DECR1: variants seen among roughly 807,000 people sequenced by gnomAD.
The protein encoded by DECR1 is 2,4-dienoyl-CoA reductase [(3E)-enoyl-CoA-producing], mitochondrial.
DECR1 carries 44 observed loss-of-function variants against 38.8 expected under a neutral mutation model. That is an observed-to-expected ratio of 1.13 (90% CI 0.89 to 1.46). The LOEUF is 1.46. DECR1 is among the 40% of genes most tolerant of loss of function. DECR1 has a pLI of 0.00. For synonymous variants in DECR1, 148 were observed against 135.2 expected (o/e 1.09, Z -0.66); for missense variants, 428 against 405.5 (o/e 1.06, Z -0.48).
chr8:90,002,346 T>A (rs944568902), intron 1 of DECR1, among the ~76,000 whole-genome samples: 1 of 152,122 alleles, frequency 6.6e-6, no homozygotes, highest in Non-Finnish European at 1.5e-5. Context: ...TAGACTCCCC[T>A]TCCCAGATGT....
intron 8 of DECR1, among the ~76,000 whole-genome samples, chr8:90,049,946 A>T (rs1048233430): frequency 2.6e-5 from 4 of 152,236 alleles, no homozygotes; most frequent in Non-Finnish European, 5.9e-5. Flanking sequence ...CTGTTTAATA[A>T]ATGGTGCTGG....
In DECR1 at chr8:90,036,935, G is replaced by T; in HGVS notation, c.660G>T (p.Met220Ile). The change falls in exon 6 of 10, where the codon ATG (methionine) becomes ATT (isoleucine). Residue 220 changes from methionine to isoleucine, a missense_variant. Transcript: ENST00000220764. ...SASAKAGVEA[M>I]SKSLAAEWGK... The stretch of plus-strand genomic sequence containing the variant: ...CTGCCAAAGCAGGTGTGGAAGCCAT[G>T]AGCAAGTAAGTACTTCCTTGTCAAT... The T allele has an allele frequency of 6.2e-7, 1 of 1,610,472 alleles. No individual in the cohort carries two copies. The highest frequency in any genetic ancestry group is 1.1e-5 in the South Asian group (1 of 90,934).
At position 90,005,302 on chromosome 8, in the gene DECR1, A is replaced by T. The variant is rs1163398898; in HGVS notation, c.69+3741A>T. 3 of 456,054 alleles carry T rather than the reference A, an allele frequency of 6.6e-6. No individual in the cohort carries two copies. In the East Asian group the frequency reaches 2.1e-4, roughly 32 times the overall value. The allele number at this position is 456,054 out of a possible 1,614,324, so 28.3% of individuals were successfully genotyped here. A position where few individuals can be genotyped will look rare whatever the true frequency, so the allele number is the denominator to read the frequency against. ...TTTACTATTTGCTAGGCACCTTACT[A>T]GGGATATGAAGGTGAGAAGAAGAGC... is the stretch of plus-strand genomic sequence containing the variant. On this transcript the variant is annotated intron_variant, in intron 1 of 9. Transcript: ENST00000220764.
At chr8:90,009,990 A>G (rs1474958827) in intron 1 of DECR1, among the ~76,000 whole-genome samples, 3 of 152,218 alleles carry the variant, frequency 2.0e-5, no homozygotes, top group African/African-American at 2.4e-5. Context: ...TCATTCCTCA[A>G]AAATGTAATT....
intron 5 of DECR1, among the ~76,000 whole-genome samples, chr8:90,026,980 C>A (rs1010287139): frequency 6.6e-6 from 1 of 152,188 alleles, no homozygotes; most frequent in Non-Finnish European, 1.5e-5. Flanking sequence ...TCGTTATGTA[C>A]CCAGTAGTCA....
intron 5 of DECR1, among the ~76,000 whole-genome samples, chr8:90,034,093 C>T (rs571806955): frequency 2.6e-5 from 4 of 152,124 alleles, no homozygotes; most frequent in African/African-American, 7.2e-5. Context: ...TTATTTTTTC[C>T]TATCCTCAAA....
chr8:90,045,004 T>G lies in DECR1; in HGVS notation c.885+9T>G. The G allele has an allele frequency of 6.2e-7, 1 of 1,609,680 alleles. No individual in the cohort carries two copies. On this transcript the variant is annotated intron_variant, in intron 8 of 9. Coordinates refer to ENST00000220764, the MANE Select transcript of DECR1 (RefSeq NM_001359.2). ...CTTGGATTAATGGAGCAGTAAGCGT[T>G]GTTTATTTCTCTTCACTTTTTTTTC... is the stretch of plus-strand genomic sequence containing the variant.
At chr8:90,017,715 A>G (rs898726750) in intron 2 of DECR1, among the ~76,000 whole-genome samples, 2 of 152,194 alleles carry the variant, frequency 1.3e-5, no homozygotes, top group Non-Finnish European at 2.9e-5. Flanking sequence ...CTTGAAGCCC[A>G]GAATTTGAGA....
intron 5 of DECR1, among the ~76,000 whole-genome samples, chr8:90,026,408 A>C (rs1481010581): frequency 6.6e-6 from 1 of 152,004 alleles, no homozygotes; most frequent in Non-Finnish European, 1.5e-5. Flanking sequence ...AGAGTGTGTT[A>C]TTGGTATATT....
At chr8:90,047,297 G>A (rs1182011455) in intron 8 of DECR1, among the ~76,000 whole-genome samples, 1 of 152,072 alleles carries the variant, frequency 6.6e-6, no homozygotes, top group African/African-American at 2.4e-5. Flanking sequence ...CATCTCACAT[G>A]CAGAGACACA....
intron 5 of DECR1, among the ~76,000 whole-genome samples, chr8:90,022,349 G>T (rs554870608): frequency 6.4e-4 from 97 of 151,842 alleles, no homozygotes; most frequent in African/African-American, 2.2e-3. Context: ...CACTAGCTCT[G>T]TGTGTGTGTG....
chr8:90,024,837 G>A (rs1023158822), intron 5 of DECR1, among the ~76,000 whole-genome samples: 3 of 152,158 alleles, frequency 2.0e-5, no homozygotes, highest in African/African-American at 4.8e-5. Flanking sequence ...TTCTTCTAGG[G>A]TTTTTATGGT....
chr8:90,023,685 G>A (rs7000324), intron 5 of DECR1, among the ~76,000 whole-genome samples: 33,158 of 151,418 alleles, frequency 0.22, 6,515 homozygotes, highest in African/African-American at 0.52. Context: ...CATCAGCTTT[G>A]GGAAGTTATC....
chr8:90,031,851 G>A (rs1228933837), intron 5 of DECR1, among the ~76,000 whole-genome samples: 1 of 152,062 alleles, frequency 6.6e-6, no homozygotes, highest in Non-Finnish European at 1.5e-5. Context: ...AGGAGATGAG[G>A]CCAAGCAATG....
intron 5 of DECR1, among the ~76,000 whole-genome samples, chr8:90,026,451 G>C (rs772396279): frequency 3.9e-5 from 6 of 152,036 alleles, no homozygotes; most frequent in Non-Finnish European, 7.4e-5. Context: ...TTTAGTCTTG[G>C]GTGGGTGTAT....
intron 5 of DECR1, among the ~76,000 whole-genome samples, chr8:90,034,340 G>T (rs970497711): frequency 2.0e-5 from 3 of 152,048 alleles, no homozygotes; most frequent in African/African-American, 7.2e-5. Flanking sequence ...ATTAAGTATT[G>T]TCTTATCCCG....
chr8:90,052,697 A>G lies in DECR1; in HGVS notation c.*800A>G, dbSNP rs1303280767. ...GAAAGCCTATAAAATATTTTTGTAT[A>G]TCATTTGATTAAATTTCATCTTTGG... On this transcript the variant is annotated 3_prime_UTR_variant, in exon 10 of 10. Coordinates refer to ENST00000220764, the MANE Select transcript of DECR1 (RefSeq NM_001359.2). Among the ~76,000 whole-genome samples the G allele has an allele frequency of 2.0e-5, 3 of 152,232 alleles. No homozygotes were observed. The East Asian group carries it at 5.8e-4, about 29-fold the overall frequency.
At chr8:90,025,518 C>T (rs1335770621) in intron 5 of DECR1, among the ~76,000 whole-genome samples, 2 of 152,156 alleles carry the variant, frequency 1.3e-5, no homozygotes, top group Non-Finnish European at 2.9e-5. Context: ...ATTTGGCTTT[C>T]TGTTTGTCTG....
At chr8:90,040,350 A>C (rs1342720063) in intron 6 of DECR1, among the ~76,000 whole-genome samples, 1 of 152,194 alleles carries the variant, frequency 6.6e-6, no homozygotes, top group Non-Finnish European at 1.5e-5. Context: ...TCATGGATTA[A>C]GTCAGATTAA....
Sources: gnomAD v4.1 joint callset for allele counts (sites outside exome capture counted in the v4.1 genomes callset) on GRCh38, gnomAD v4.1.1 for gene constraint, MANE v1.5 for transcripts, NCBI Gene and HGNC (gene_info 2026-07-23, HGNC 2026-07-21) for gene names.